GPR176: variants seen among roughly 807,000 people sequenced by gnomAD.
The protein encoded by GPR176 is G-protein coupled receptor 176.
In GPR176, 26 loss-of-function variants were observed where a neutral mutation model predicts 35.4. That is an observed-to-expected ratio of 0.74 (90% CI 0.54 to 1.02). GPR176 has a LOEUF of 1.02. Ranked by LOEUF, GPR176 falls within the 50% of genes least tolerant of loss-of-function variation. The pLI, the probability that GPR176 is intolerant of heterozygous loss-of-function variation, is 0.00. For missense variants in GPR176, 597 were observed against 665.3 expected, an observed-to-expected ratio of 0.90 and a Z score of 1.13; for synonymous variants, 278 against 271.3, an observed-to-expected ratio of 1.02 and a Z score of -0.24.
intron 1 of GPR176, among the ~76,000 whole-genome samples, chr15:39,908,954 G>A (rs1238626471): frequency 6.6e-6 from 1 of 152,190 alleles, no homozygotes; most frequent in Non-Finnish European, 1.5e-5. Context: ...GGGCTATACA[G>A]AGTACTGTGA....
chr15:39,800,256 T>C lies in GPR176; in HGVS notation c.*876A>G, dbSNP rs991014932. 1.3e-5 allele frequency: 2 copies of C among 152,148 alleles called. No homozygotes were observed. The highest frequency in any genetic ancestry group is 4.8e-5 in the African/African-American group (2 of 41,420). 9.4% of individuals were successfully genotyped at this position (152,148 alleles called of 1,614,324 possible). On this transcript the variant is annotated 3_prime_UTR_variant, in exon 3 of 3. Coordinates refer to ENST00000561100, the MANE Select transcript of GPR176 (RefSeq NM_007223.3). ...ACTGGTTGTTACATAGCACCTTTCA[T>C]GTGAGATCATAGGGAAGAAAAAAAA...
intron 2 of GPR176, among the ~76,000 whole-genome samples, chr15:39,805,708 C>T (rs1406625226): frequency 1.3e-5 from 2 of 152,174 alleles, no homozygotes; most frequent in Non-Finnish European, 2.9e-5. Flanking sequence ...CTGATGGTAA[C>T]ATGATTGCAG....
intron 2 of GPR176, 76 bp from the exon 3 acceptor site, chr15:39,802,330 G>A (rs1898939154): frequency 8.8e-7 from 1 of 1,139,406 alleles, no homozygotes. Context: ...ACCAAAAGTA[G>A]ATGAGAGGGA....
chr15:39,883,738 G>C (rs750476473), intron 1 of GPR176, among the ~76,000 whole-genome samples: 3 of 151,924 alleles, frequency 2.0e-5, no homozygotes, highest in Non-Finnish European at 4.4e-5. Context: ...AGGTCTAAAG[G>C]TCCTGGAACG....
At chr15:39,874,246 T>C (rs1399987941) in intron 1 of GPR176, among the ~76,000 whole-genome samples, 6 of 152,270 alleles carry the variant, frequency 3.9e-5, no homozygotes, top group Admixed American at 1.3e-4. Flanking sequence ...CTCCCCTCAA[T>C]AGTAACTCCC....
At chr15:39,809,920 C>T (rs1195008596) in intron 1 of GPR176, among the ~76,000 whole-genome samples, 1 of 151,938 alleles carries the variant, frequency 6.6e-6, no homozygotes, top group Non-Finnish European at 1.5e-5. Context: ...CTGAGGCGGG[C>T]GGATCACGAG....
intron 1 of GPR176, among the ~76,000 whole-genome samples, chr15:39,872,758 A>G (rs1158826833): frequency 6.6e-6 from 1 of 152,088 alleles, no homozygotes; most frequent in Non-Finnish European, 1.5e-5. Context: ...AAAAGACCAT[A>G]TCTCACAAGA....
At chr15:39,918,761 A>T (rs1026285170) in intron 1 of GPR176, among the ~76,000 whole-genome samples, 4 of 152,262 alleles carry the variant, frequency 2.6e-5, no homozygotes, top group Non-Finnish European at 5.9e-5. Context: ...ATACTATGAT[A>T]GAGTAAAATG....
chr15:39,879,509 A>G (rs74008984), intron 1 of GPR176, among the ~76,000 whole-genome samples: 2,777 of 152,140 alleles, frequency 0.018, 84 homozygotes, highest in African/African-American at 0.051. Context: ...GCAAAACTGT[A>G]CTCTCAAACC....
chr15:39,884,854 T>A (rs7167236), intron 1 of GPR176, among the ~76,000 whole-genome samples: 1 of 152,180 alleles, frequency 6.6e-6, no homozygotes, highest in Non-Finnish European at 1.5e-5. Flanking sequence ...CACAAGAGTC[T>A]GGAAGGTATT....
rs552054561 is a variant in GPR176 at position 39,808,803 on chromosome 15, A to T, written c.173-1545T>A. 2.0e-5 allele frequency among the ~76,000 whole-genome samples: 3 copies of T among 152,300 alleles called. No individual in the cohort carries two copies. The East Asian group carries it at 5.8e-4, about 29-fold the overall frequency. ...GTGGTAAGAGAACCCCTTTTGTAGT[A>T]TGTATGTCATGTAAAGATATTCTAA... is the stretch of plus-strand genomic sequence containing the variant. On this transcript the variant is annotated intron_variant, in intron 1 of 2. Transcript: ENST00000561100.
At chr15:39,892,730 C>T (rs1047001016) in intron 1 of GPR176, among the ~76,000 whole-genome samples, 3 of 152,180 alleles carry the variant, frequency 2.0e-5, no homozygotes, top group African/African-American at 7.2e-5. Flanking sequence ...TGCAGGCAGC[C>T]GCCAAAAGCT....
chr15:39,905,447 C>CAAAAA (rs35302123), intron 1 of GPR176, among the ~76,000 whole-genome samples: 1 of 91,114 alleles, frequency 1.1e-5, no homozygotes. Context: ...CTCGTCTCTA[C>CAAAAA]AAAAAAAAAA....
chr15:39,813,656 G>A (rs953484435), intron 1 of GPR176: 1 of 151,692 alleles, frequency 6.6e-6, no homozygotes, highest in Non-Finnish European at 1.5e-5. Context: ...GTGTCTAGGG[G>A]TGTGTGTGTG....
chr15:39,803,615 A>G (rs1899023049), intron 2 of GPR176, among the ~76,000 whole-genome samples: 1 of 152,052 alleles, frequency 6.6e-6, no homozygotes, highest in African/African-American at 2.4e-5. Flanking sequence ...CCACCTATGC[A>G]CCAGGTCCTG....
rs555454311 is a variant in GPR176, at chr15:39,850,500, T to G, written c.173-43242A>C. On this transcript the variant is annotated intron_variant, in intron 1 of 2. Coordinates refer to ENST00000561100, the MANE Select transcript of GPR176 (RefSeq NM_007223.3). The stretch of plus-strand genomic sequence containing the variant: ...TATGATTCTAACCATATAACATTCT[T>G]GCAAAGACAAAAATCATAGAAATGG... Among the ~76,000 whole-genome samples the G allele has an allele frequency of 3.3e-4, 51 of 152,306 alleles. 1 individual carries two copies. The South Asian group carries it at 0.01, about 31-fold the overall frequency.
intron 1 of GPR176, among the ~76,000 whole-genome samples, chr15:39,887,550 A>G (rs2032717120): frequency 6.6e-6 from 1 of 151,456 alleles, no homozygotes; most frequent in Admixed American, 6.6e-5. Flanking sequence ...CTGCAGAATC[A>G]TGCAAACCTG....
intron 1 of GPR176, among the ~76,000 whole-genome samples, chr15:39,878,089 T>C (rs926247168): frequency 6.8e-6 from 1 of 147,672 alleles, no homozygotes; most frequent in Non-Finnish European, 1.5e-5. Context: ...TCACCTCCCA[T>C]AGTTACCTGT....
intron 1 of GPR176, among the ~76,000 whole-genome samples, chr15:39,872,485 C>A (rs913639471): frequency 2.6e-5 from 4 of 152,140 alleles, no homozygotes; most frequent in African/African-American, 9.7e-5. Context: ...ACTTTATCCT[C>A]TAGGTAATGA....
Sources: allele counts gnomAD v4.1 joint callset (sites outside exome capture counted in the v4.1 genomes callset), GRCh38; gene constraint gnomAD v4.1.1; transcripts MANE v1.5; gene names NCBI Gene and HGNC (gene_info 2026-07-23, HGNC 2026-07-21).